Variants in ARID3A observed in about 807,000 individuals in gnomAD.
The protein encoded by ARID3A is AT-rich interactive domain-containing protein 3A.
Under a neutral mutation model 52.7 loss-of-function variants are expected in ARID3A, and 11 were observed. That is an observed-to-expected ratio of 0.21 (90% confidence interval 0.13 to 0.35). The LOEUF (loss-of-function observed/expected upper bound fraction) is 0.35, where lower values mean the gene tolerates loss of function less well. Among genes scored for constraint, ARID3A ranks in the 10% least tolerant of loss-of-function variants. The pLI is 1.00. For synonymous variants in ARID3A, 404 were observed against 359.4 expected (o/e 1.12, Z -1.40); for missense variants, 721 against 838.5 (o/e 0.86, Z 1.73).
At position 966,165 on chromosome 19, in the gene ARID3A, C is replaced by CAAA. The variant is rs558429852; in HGVS notation, c.1199-397_1199-395dup. Among the ~76,000 whole-genome samples, 809 of 116,476 alleles carry CAAA rather than the reference C, an allele frequency of 6.9e-3. 10 individuals are homozygous for CAAA. Among genetic ancestry groups the CAAA allele is most frequent in the African/African-American group, 0.023 (747 of 32,400 alleles). The allele number at this position is 116,476 out of a possible 152,430, so 76.4% of individuals were successfully genotyped here. A position where few individuals can be genotyped will look rare whatever the true frequency, so the allele number is the denominator to read the frequency against. On this transcript the variant is annotated intron_variant, in intron 6 of 8. Transcript: ENST00000263620. ...AACAGAGCGAGACTCTGTCTCAAAG[C>CAAA]AAAAAAAAAAAAGGCTGGGCGCGGT...
At chr19:932,854 G>T (rs1041033483) in intron 3 of ARID3A, 112 bp downstream of exon 3, 6 of 1,484,940 alleles carry the variant, frequency 4.0e-6, no homozygotes, top group Middle Eastern at 2.4e-4. Context: ...CGAGTTGAGA[G>T]CTGGGGGTTC....
At chr19:937,034 G>A (rs919085224) in intron 3 of ARID3A, among the ~76,000 whole-genome samples, 1 of 152,094 alleles carries the variant, frequency 6.6e-6, no homozygotes, top group African/African-American at 2.4e-5. Flanking sequence ...TTGGGAGGCT[G>A]AGGTGGGCAG....
chr19:930,777 G>A (rs1039313370), intron 2 of ARID3A, among the ~76,000 whole-genome samples: 24 of 151,524 alleles, frequency 1.6e-4, no homozygotes, highest in Admixed American at 1.2e-3. Flanking sequence ...CCAAAGTGCT[G>A]GGATTACAGG....
At chr19:951,121 C>T (rs2037795329) in intron 3 of ARID3A, among the ~76,000 whole-genome samples, 2 of 152,088 alleles carry the variant, frequency 1.3e-5, no homozygotes, top group South Asian at 4.1e-4. Flanking sequence ...TATGCCCGGC[C>T]AGGATTCTTT....
In ARID3A at chr19:938,668, G is replaced by A. The variant is rs925281658; in HGVS notation, c.693+5926G>A. Among the ~76,000 whole-genome samples the A allele has an allele frequency of 2.0e-5, 3 of 152,086 alleles. No individual in the cohort carries two copies. Among genetic ancestry groups the A allele is most frequent in the African/African-American group, 2.4e-5 (1 of 41,412 alleles). ...GTGCTGTCCTCATATCCAGGCCTCC[G>A]GGCCTGACAGCTGGGCGTGTGTGGG... On this transcript the variant is annotated intron_variant, in intron 3 of 8. Coordinates refer to ENST00000263620, the MANE Select transcript of ARID3A (RefSeq NM_005224.3). The surrounding 1 kb of genome is among the most constrained non-coding windows in gnomAD (Gnocchi z 4.0).
rs991314700 is a variant in ARID3A, at chr19:942,434, G to A, written c.693+9692G>A. On this transcript the variant is annotated intron_variant, in intron 3 of 8. Transcript: ENST00000263620. The surrounding 1 kb of genome is among the most constrained non-coding windows in gnomAD (Gnocchi z 8.1). ...CCGGGCCGGGAGCCGCTGCGGTGCC[G>A]ACCTGGTGGGTGGCACACGGGGGGC... Among the ~76,000 whole-genome samples, 76 of 152,330 alleles carry A rather than the reference G, an allele frequency of 5.0e-4. 1 individual carries two copies. The highest frequency in any genetic ancestry group is 3.7e-3 in the Admixed American group (57 of 15,304).
chr19:965,292 A>G (rs1245101892), intron 6 of ARID3A: 7 of 586,814 alleles, frequency 1.2e-5, no homozygotes, highest in Non-Finnish European at 2.0e-5. Flanking sequence ...TGGCAGGCAG[A>G]CATTGCTAAT....
At chr19:969,423 G>C (rs1177163245) in intron 8 of ARID3A, among the ~76,000 whole-genome samples, 7 of 151,590 alleles carry the variant, frequency 4.6e-5, no homozygotes, top group Non-Finnish European at 7.4e-5. Flanking sequence ...CATAGTCCCA[G>C]CTACTCGGGA....
chr19:971,838 T>G, intron 8 of ARID3A, 40 bp from the exon 9 acceptor site: 1 of 1,564,752 alleles, frequency 6.4e-7, no homozygotes, highest in Non-Finnish European at 8.6e-7. Context: ...TCGCATCTTC[T>G]TAAACTCTGC....
chr19:954,131 G>C (rs576442090), intron 3 of ARID3A, among the ~76,000 whole-genome samples: 2 of 152,144 alleles, frequency 1.3e-5, no homozygotes, highest in Non-Finnish European at 2.9e-5. Context: ...GGGGGGCCCT[G>C]GGAGGCTGTG....
At position 942,057 on chromosome 19, in the gene ARID3A, G is replaced by A. The variant is rs1045852446; in HGVS notation, c.693+9315G>A. 1.3e-5 allele frequency among the ~76,000 whole-genome samples: 2 copies of A among 152,150 alleles called. No individual in the cohort carries two copies. The highest frequency in any genetic ancestry group is 2.4e-5 in the African/African-American group (1 of 41,418). On this transcript the variant is annotated intron_variant, in intron 3 of 8. Coordinates refer to ENST00000263620, the MANE Select transcript of ARID3A (RefSeq NM_005224.3). The surrounding 1 kb of genome is among the most constrained non-coding windows in gnomAD (Gnocchi z 8.1). ...TCTGTCTTGGTCAGCAGCGCGCGTC[G>A]GCCGCGGGGCACAGATCAGCGCCTC...
chr19:939,837 G>T (rs1252132247), intron 3 of ARID3A, among the ~76,000 whole-genome samples: 1 of 152,142 alleles, frequency 6.6e-6, no homozygotes, highest in African/African-American at 2.4e-5. Flanking sequence ...TTGGAGCAGT[G>T]TGGGGAGGAG....
chr19:970,865 G>GC (rs1228603968), intron 8 of ARID3A, among the ~76,000 whole-genome samples: 6 of 152,262 alleles, frequency 3.9e-5, no homozygotes, highest in East Asian at 1.9e-4. Flanking sequence ...CTTGTTGCAG[G>GC]CCCCCGCCCG....
intron 8 of ARID3A, 93 bp from the exon 9 acceptor site, chr19:971,785 T>G: frequency 6.9e-7 from 1 of 1,449,076 alleles, no homozygotes; most frequent in Non-Finnish European, 9.1e-7. Flanking sequence ...AGAGAGAAGT[T>G]TATTCCCCGG....
At chr19:971,151 A>G (rs147674389) in intron 8 of ARID3A, among the ~76,000 whole-genome samples, 2 of 152,162 alleles carry the variant, frequency 1.3e-5, no homozygotes. Context: ...ATATATGCAC[A>G]TGTGTGTGAT....
At chr19:963,697 C>T (rs1438104591) in intron 4 of ARID3A, among the ~76,000 whole-genome samples, 2 of 152,188 alleles carry the variant, frequency 1.3e-5, no homozygotes, top group Non-Finnish European at 2.9e-5. Flanking sequence ...TAGCGTAGCC[C>T]ACAACCCTCT....
At chr19:933,964 CAG>C (rs1293613637) in intron 3 of ARID3A, among the ~76,000 whole-genome samples, 4 of 151,818 alleles carry the variant, frequency 2.6e-5, no homozygotes, top group Non-Finnish European at 5.9e-5. Flanking sequence ...AGTGAGAAAA[CAG>C]AGGCTCAGTG....
In ARID3A at chr19:966,769, G is replaced by C. The variant is rs750722798; in HGVS notation, c.1396G>C (p.Val466Leu). ...GCCTCCGGAGAAGAAGATGGCCCTG[G>C]TGGCCGATGAGCAGCAACGGCTGAT... ...AEPPEKKMAL[V>L]ADEQQRLMQR... Residue 466 changes from valine to leucine, a missense_variant, in exon 7 of 9, where the codon GTG becomes CTG. Physicochemically the swap from Val to Leu is conservative, Grantham distance 32. Transcript: ENST00000263620. 1 of 1,613,540 alleles carries C rather than the reference G, an allele frequency of 6.2e-7. No homozygotes were observed. Among genetic ancestry groups the C allele is most frequent in the Non-Finnish European group, 8.5e-7 (1 of 1,179,996 alleles).
rs1181024458 is a variant in ARID3A, at chr19:964,462, G to A, written c.950+31G>A. Reference sequence around the variant, plus strand: ...TGGCGGACGGTTGTGCCGAGGTCGGGCCAGGGCACTCTGAGCAGCCAGTGC... The same window carrying A: ...TGGCGGACGGTTGTGCCGAGGTCGGACCAGGGCACTCTGAGCAGCCAGTGC... On this transcript the variant is annotated intron_variant, in intron 5 of 8. Transcript: ENST00000263620. The surrounding 1 kb of genome is among the most constrained non-coding windows in gnomAD (Gnocchi z 5.7). 1 of 1,545,588 alleles carries A rather than the reference G, an allele frequency of 6.5e-7. No homozygotes were observed. The highest frequency in any genetic ancestry group is 2.4e-5 in the East Asian group (1 of 41,246).
Sources: allele counts gnomAD v4.1 joint callset (sites outside exome capture counted in the v4.1 genomes callset), GRCh38; gene constraint gnomAD v4.1.1; non-coding constraint Gnocchi (gnomAD v3.1); transcripts MANE v1.5; gene names NCBI Gene and HGNC (gene_info 2026-07-23, HGNC 2026-07-21).